CELSR1: variants seen among roughly 807,000 people sequenced by gnomAD.
CELSR1 encodes cadherin EGF LAG seven-pass G-type receptor 1.
A neutral mutation model predicts 249.1 loss-of-function variants in CELSR1; 110 were observed. The observed-to-expected ratio is 0.44, with a 90% confidence interval of 0.38 to 0.52. The LOEUF (loss-of-function observed/expected upper bound fraction) is 0.52, where lower values mean the gene tolerates loss of function less well. Ranked by LOEUF, CELSR1 falls within the 20% of genes least tolerant of loss-of-function variation. CELSR1 has a pLI of 0.00. For synonymous variants in CELSR1, 2,113 were observed against 1,900.0 expected (o/e 1.11, Z -2.92); for missense variants, 4,109 against 4,296.4 (o/e 0.96, Z 1.22).
rs771137066 is a variant in CELSR1 at position 46,363,949 on chromosome 22, C to A, written c.9035+47G>T. ...GCCCCCTCTCTCTCCTGACTCAGGA[C>A]AAGGGGGAAGTGGGTGATCCCCGCC... On this transcript the variant is annotated intron_variant, in intron 34 of 34. Transcript: ENST00000674500. The surrounding 1 kb of genome is among the most constrained non-coding windows in gnomAD (Gnocchi z 4.3). The A allele has an allele frequency of 6.6e-7, 1 of 1,523,654 alleles. No homozygotes were observed. The highest frequency in any genetic ancestry group is 8.8e-7 in the Non-Finnish European group (1 of 1,135,588). 94.4% of individuals were successfully genotyped at this position (1,523,654 alleles called of 1,614,324 possible). A position where few individuals can be genotyped will look rare whatever the true frequency, so the allele number is the denominator to read the frequency against.
chr22:46,483,385 C>CTTTTTTTT (rs10647586), intron 1 of CELSR1, among the ~76,000 whole-genome samples: 6 of 81,214 alleles, frequency 7.4e-5, no homozygotes, highest in Admixed American at 1.7e-4. Flanking sequence ...CTATTCCTGA[C>CTTTTTTTT]TTTTTTTTTT....
At chr22:46,497,637 A>C (rs1243290680) in intron 1 of CELSR1, among the ~76,000 whole-genome samples, 1 of 152,214 alleles carries the variant, frequency 6.6e-6, no homozygotes, top group Non-Finnish European at 1.5e-5. Flanking sequence ...CCCATCTCAA[A>C]AATCCTTAAT....
In CELSR1 at chr22:46,536,891, C is replaced by A. The variant is rs186581679; in HGVS notation, c.280G>T (p.Ala94Ser). The A allele has an allele frequency of 8.2e-7, 1 of 1,223,506 alleles. No individual in the cohort carries two copies. The allele number at this position is 1,223,506 out of a possible 1,614,324, so 75.8% of individuals were successfully genotyped here. The part of the protein sequence containing the change: ...RPLPLQVRLV[A>S]RSAPTALSRR... ...CTCAGCGCCGTCGGGGCACTGCGGG[C>A]CACCAAGCGGACTTGCAGCGGCAGC... is the stretch of plus-strand genomic sequence containing the variant. Residue 94 changes from alanine (A) to serine (S), a missense_variant, in exon 1 of 35, where the codon GCC (alanine) becomes TCC (serine). Physicochemically the swap from Ala to Ser is moderately conservative, Grantham distance 99 (BLOSUM62 1). Transcript: ENST00000674500.
At position 46,389,385 on chromosome 22, in the gene CELSR1, G is replaced by A. The variant is rs371148961; in HGVS notation, c.6460C>T (p.Arg2154Cys). The A allele has an allele frequency of 4.4e-5, 71 of 1,611,424 alleles. No homozygotes were observed. Among genetic ancestry groups the A allele is most frequent in the South Asian group, 5.5e-5 (5 of 91,058 alleles). Residue 2154 changes from arginine to cysteine, a missense_variant, in exon 18 of 35, where the codon CGC becomes TGC. Coordinates refer to ENST00000674500, the MANE Select transcript of CELSR1 (RefSeq NM_001378328.1). ...HTGTLFGNDV[R>C]TAYQLLGHVL... is the part of the protein sequence containing the mutation. ...TGGCCCAGCAGCTGGTAGGCCGTGC[G>A]CACGTCATTGCCAAAGAGCGTGCCC...
At chr22:46,426,568 C>T (rs1349612297) in intron 5 of CELSR1, among the ~76,000 whole-genome samples, 1 of 152,176 alleles carries the variant, frequency 6.6e-6, no homozygotes, top group South Asian at 2.1e-4. Context: ...CCAAAGGCTG[C>T]ACTTCCTAAT....
chr22:46,419,269 C>T (rs752935905), intron 5 of CELSR1, among the ~76,000 whole-genome samples: 2 of 152,138 alleles, frequency 1.3e-5, no homozygotes, highest in East Asian at 1.9e-4. Context: ...AAATGAAGGG[C>T]CAAAATGCAG....
Position 46,413,141 on chromosome 22 carries a change from T to G in CELSR1, c.4612-1382A>C. Reference sequence around the variant, plus strand: ...AATAGATCGTTGTAAAAACGTAGAATTTAATTAAATCATCCTCAGTGCCTT... The same window carrying G: ...AATAGATCGTTGTAAAAACGTAGAAGTTAATTAAATCATCCTCAGTGCCTT... On this transcript the variant is annotated intron_variant, in intron 5 of 34. Coordinates refer to ENST00000674500, the MANE Select transcript of CELSR1 (RefSeq NM_001378328.1). The surrounding 1 kb of genome is among the most constrained non-coding windows in gnomAD (Gnocchi z 4.7). Among the ~76,000 whole-genome samples the G allele has an allele frequency of 6.6e-6, 1 of 152,204 alleles. No homozygotes were observed.
At position 46,401,709 on chromosome 22, in the gene CELSR1, G is replaced by C. The variant is rs9627445; in HGVS notation, c.5227-1807C>G. ...AAACTGGGGTTCATGGACTGCCAAG[G>C]GTTGTTCCTTGGCTTCTGGTTGGAA... On this transcript the variant is annotated intron_variant, in intron 9 of 34. Transcript: ENST00000674500. The surrounding 1 kb of genome is among the most constrained non-coding windows in gnomAD (Gnocchi z 4.7). Among the ~76,000 whole-genome samples the C allele has an allele frequency of 1.3e-5, 2 of 152,222 alleles. No homozygotes were observed. Among genetic ancestry groups the C allele is most frequent in the African/African-American group, 2.4e-5 (1 of 41,514 alleles).
rs1468294779 is a variant in CELSR1, at chr22:46,430,176, G to C, written c.4611+3217C>G. Among the ~76,000 whole-genome samples, 3 of 152,248 alleles carry C rather than the reference G, an allele frequency of 2.0e-5. No homozygotes were observed. The East Asian group carries it at 5.8e-4, about 29-fold the overall frequency. On this transcript the variant is annotated intron_variant, in intron 5 of 34. Coordinates refer to ENST00000674500, the MANE Select transcript of CELSR1 (RefSeq NM_001378328.1). This position sits in a 1 kb window ranked among gnomAD's most constrained non-coding sequence, Gnocchi z 4.6. ...CCTCAGAGACACAGCCACTCTGGAGGGCGGGGGACAGAGAACGAGACTGAA... is the reference window on the plus strand; with the variant it reads ...CCTCAGAGACACAGCCACTCTGGAGCGCGGGGGACAGAGAACGAGACTGAA...
At chr22:46,439,157 C>G (rs16994764) in intron 3 of CELSR1, 32 bp downstream of exon 3, 2 of 1,586,082 alleles carry the variant, frequency 1.3e-6, no homozygotes, top group African/African-American at 1.3e-5. Flanking sequence ...CCTAAAGAGA[C>G]CCCCGTGTGG....
Position 46,390,855 on chromosome 22 carries a change from C to G in CELSR1, c.6250+331G>C, listed in dbSNP as rs943235041. Among the ~76,000 whole-genome samples, 9 of 152,222 alleles carry G rather than the reference C, an allele frequency of 5.9e-5. No homozygotes were observed. The highest frequency in any genetic ancestry group is 2.2e-4 in the African/African-American group (9 of 41,452). On this transcript the variant is annotated intron_variant, in intron 16 of 34. Coordinates refer to ENST00000674500, the MANE Select transcript of CELSR1 (RefSeq NM_001378328.1). This position sits in a 1 kb window ranked among gnomAD's most constrained non-coding sequence, Gnocchi z 6.3. The stretch of plus-strand genomic sequence containing the variant: ...TTCCAGACGCCCCTCACAGAGTGGA[C>G]ACAGTCAATGTCCCCATTTCACAGA...
rs753399610 is a variant in CELSR1, at chr22:46,363,552, C to G, written c.9036-305G>C. 214 of 360,474 alleles carry G rather than the reference C, an allele frequency of 5.9e-4. 2 individuals carry two copies. Among genetic ancestry groups the G allele is most frequent in the Non-Finnish European group, 9.1e-4 (177 of 195,428 alleles). 22.3% of individuals were successfully genotyped at this position (360,474 alleles called of 1,614,324 possible). A position where few individuals can be genotyped will look rare whatever the true frequency, so the allele number is the denominator to read the frequency against. On this transcript the variant is annotated intron_variant, in intron 34 of 34. Coordinates refer to ENST00000674500, the MANE Select transcript of CELSR1 (RefSeq NM_001378328.1). This position sits in a 1 kb window ranked among gnomAD's most constrained non-coding sequence, Gnocchi z 4.3. ...GGCATTCTGAAGACCTGGCTTCTCC[C>G]TTGTGAGTTTGGAGGGAGGGAGGGG...
Position 46,380,718 on chromosome 22 carries a change from A to T in CELSR1, c.7256+70T>A. 1.3e-6 allele frequency: 2 copies of T among 1,547,114 alleles called. No individual in the cohort carries two copies. Among genetic ancestry groups the T allele is most frequent in the Non-Finnish European group, 1.8e-6 (2 of 1,140,076 alleles). On this transcript the variant is annotated intron_variant, in intron 22 of 34. Transcript: ENST00000674500. This position sits in a 1 kb window ranked among gnomAD's most constrained non-coding sequence, Gnocchi z 5.1. ...GTCCTCTTGGGGCGCTCTGCCACTG[A>T]GCCCCCGACCCTGCGGGGGCACTCT... is the stretch of plus-strand genomic sequence containing the variant.
Position 46,490,030 on chromosome 22 carries a change from A to G in CELSR1, c.3545-25685T>C, listed in dbSNP as rs937091004. ...TGGCCATCTCAGCATCCGCCCCTGCAGTGGGAACACCTAACGTGGCCACCC... is the reference window on the plus strand; with the variant it reads ...TGGCCATCTCAGCATCCGCCCCTGCGGTGGGAACACCTAACGTGGCCACCC... On this transcript the variant is annotated intron_variant, in intron 1 of 34. Transcript: ENST00000674500. The surrounding 1 kb of genome is among the most constrained non-coding windows in gnomAD (Gnocchi z 5.2). 2.0e-5 allele frequency among the ~76,000 whole-genome samples: 3 copies of G among 152,190 alleles called. No individual in the cohort carries two copies. Among genetic ancestry groups the G allele is most frequent in the Non-Finnish European group, 4.4e-5 (3 of 68,030 alleles).
At chr22:46,523,527 CAAATAAATAAATAAAT>C (rs35618954) in intron 1 of CELSR1, among the ~76,000 whole-genome samples, 9 of 143,606 alleles carry the variant, frequency 6.3e-5, no homozygotes, top group South Asian at 2.3e-4. Flanking sequence ...GACTCTGTCT[CAAATAAATAAATAAAT>C]AAATAAATAA....
intron 1 of CELSR1, among the ~76,000 whole-genome samples, chr22:46,496,614 C>G (rs777624387): frequency 7.9e-6 from 1 of 126,164 alleles, no homozygotes; most frequent in Non-Finnish European, 1.7e-5. Flanking sequence ...ATTCTATAAG[C>G]TTTTATCTAT....
At position 46,427,407 on chromosome 22, in the gene CELSR1, C is replaced by T. The variant is rs1036721757; in HGVS notation, c.4611+5986G>A. Among the ~76,000 whole-genome samples the T allele has an allele frequency of 1.9e-4, 29 of 152,228 alleles. No individual in the cohort carries two copies. Among genetic ancestry groups the T allele is most frequent in the Middle Eastern group, 3.4e-3 (1 of 294 alleles). ...CAAAAATTAACCGGGTGTGGTGGCG[C>T]GCACCTGTAAACCCAGCTACTCAGG... On this transcript the variant is annotated intron_variant, in intron 5 of 34. Coordinates refer to ENST00000674500, the MANE Select transcript of CELSR1 (RefSeq NM_001378328.1). This position sits in a 1 kb window ranked among gnomAD's most constrained non-coding sequence, Gnocchi z 4.2.
At position 46,440,290 on chromosome 22, in the gene CELSR1, C is replaced by T. The variant is rs1041185144; in HGVS notation, c.4184-879G>A. Reference sequence around the variant, plus strand: ...GTGTGGCTGGTGACACTCCCGCCCCCGGACAGGGATGGTGAGCCGCAATCT... The same window carrying T: ...GTGTGGCTGGTGACACTCCCGCCCCTGGACAGGGATGGTGAGCCGCAATCT... On this transcript the variant is annotated intron_variant, in intron 2 of 34. Coordinates refer to ENST00000674500, the MANE Select transcript of CELSR1 (RefSeq NM_001378328.1). The surrounding 1 kb of genome is among the most constrained non-coding windows in gnomAD (Gnocchi z 4.7). Among the ~76,000 whole-genome samples the T allele has an allele frequency of 3.3e-4, 51 of 152,310 alleles. No individual in the cohort carries two copies. The highest frequency in any genetic ancestry group is 1.1e-3 in the African/African-American group (45 of 41,574).
In CELSR1 at chr22:46,427,729, T is replaced by C. The variant is rs1178709371; in HGVS notation, c.4611+5664A>G. On this transcript the variant is annotated intron_variant, in intron 5 of 34. Coordinates refer to ENST00000674500, the MANE Select transcript of CELSR1 (RefSeq NM_001378328.1). The surrounding 1 kb of genome is among the most constrained non-coding windows in gnomAD (Gnocchi z 4.2). ...GTTTCTGTAAGTTGGATTCTGTGCGTGTAATTGGCACTCAATTAACATGGA... is the reference window on the plus strand; with the variant it reads ...GTTTCTGTAAGTTGGATTCTGTGCGCGTAATTGGCACTCAATTAACATGGA... Among the ~76,000 whole-genome samples, 1 of 151,982 alleles carries C rather than the reference T, an allele frequency of 6.6e-6. No individual in the cohort carries two copies. Among genetic ancestry groups the C allele is most frequent in the Non-Finnish European group, 1.5e-5 (1 of 67,988 alleles).
Sources: allele counts gnomAD v4.1 joint callset (sites outside exome capture counted in the v4.1 genomes callset), GRCh38; gene constraint gnomAD v4.1.1; non-coding constraint Gnocchi (gnomAD v3.1); transcripts MANE v1.5; gene names NCBI Gene and HGNC (gene_info 2026-07-23, HGNC 2026-07-21).